The following DPP6 variants were observed in gnomAD, a reference collection of about 807,000 sequenced individuals.
DPP6 encodes A-type potassium channel modulatory protein DPP6.
A neutral mutation model predicts 122.6 loss-of-function variants in DPP6; 69 were observed. The observed-to-expected ratio is 0.56, with a 90% CI of 0.46 to 0.69. DPP6 has a LOEUF of 0.69. DPP6 is among the 30% of genes least tolerant of loss of function. The pLI, the probability that DPP6 is intolerant of heterozygous loss-of-function variation, is 0.00. For missense variants in DPP6, 928 were observed against 1,116.9 expected, an observed-to-expected ratio of 0.83 and a Z score of 2.41; for synonymous variants, 418 against 433.1, an observed-to-expected ratio of 0.97 and a Z score of 0.43.
intron 1 of DPP6, among the ~76,000 whole-genome samples, chr7:154,207,449 C>T (rs1339061973): frequency 6.6e-6 from 1 of 152,198 alleles, no homozygotes; most frequent in East Asian, 1.9e-4. Context: ...GCACCTAAAT[C>T]AGACCAGTCA....
intron 2 of DPP6, among the ~76,000 whole-genome samples, chr7:154,473,323 A>G (rs1822453767): frequency 6.6e-6 from 1 of 152,210 alleles, no homozygotes; most frequent in Non-Finnish European, 1.5e-5. Flanking sequence ...AAGCTCCTAG[A>G]GCGAAGAAAG....
Position 154,803,973 on chromosome 7 carries a change from G to T in DPP6, c.1499+18G>T. On this transcript the variant is annotated intron_variant, in intron 14 of 25. Coordinates refer to ENST00000377770, the MANE Select transcript of DPP6 (RefSeq NM_130797.4). ...AATAAGATGTGAGTGAGAACCAGGG[G>T]CCTGCCCCATCTTACTGGCCAATGG... is the stretch of plus-strand genomic sequence containing the variant. The T allele has an allele frequency of 6.2e-7, 1 of 1,611,568 alleles. No homozygotes were observed. The highest frequency in any genetic ancestry group is 8.5e-7 in the Non-Finnish European group (1 of 1,178,822).
intron 1 of DPP6, among the ~76,000 whole-genome samples, chr7:154,017,567 G>A (rs143777395): frequency 0.12 from 18,478 of 151,366 alleles, 1,217 homozygotes; most frequent in East Asian, 0.19. Context: ...GGGCATGGTG[G>A]TATGTGCCTG....
At position 154,600,326 on chromosome 7, in the gene DPP6, AC is replaced by A. The variant is rs1225496533; in HGVS notation, c.627+33412del. On this transcript the variant is annotated intron_variant, in intron 5 of 25. Coordinates refer to ENST00000377770, the MANE Select transcript of DPP6 (RefSeq NM_130797.4). Reference sequence around the variant, plus strand: ...GTATTTTTTGTAGACATGGGGTTTCACCATGTTGGCCAGGCTGGTCTCGAAC... The same window carrying A: ...GTATTTTTTGTAGACATGGGGTTTCACATGTTGGCCAGGCTGGTCTCGAAC... 9.3e-4 allele frequency among the ~76,000 whole-genome samples: 110 copies of A among 118,430 alleles called. 17 individuals are homozygous for A. Among genetic ancestry groups the A allele is most frequent in the African/African-American group, 2.7e-3 (100 of 37,174 alleles). The allele number at this position is 118,430 out of a possible 152,430, so 77.7% of individuals were successfully genotyped here. A position where few individuals can be genotyped will look rare whatever the true frequency, so the allele number is the denominator to read the frequency against.
intron 1 of DPP6, among the ~76,000 whole-genome samples, chr7:153,945,872 A>C (rs983711031): frequency 1.3e-5 from 2 of 152,136 alleles, no homozygotes; most frequent in African/African-American, 4.8e-5. Flanking sequence ...ATTTTCCCCA[A>C]ATCTTTGTTT....
At chr7:154,209,426 G>A (rs184629352) in intron 1 of DPP6, among the ~76,000 whole-genome samples, 2 of 151,996 alleles carry the variant, frequency 1.3e-5, no homozygotes, top group Admixed American at 6.6e-5. Context: ...TCACCTAAGG[G>A]TTTATAAAAT....
At chr7:154,141,339 A>G (rs71534104) in intron 1 of DPP6, among the ~76,000 whole-genome samples, 172 of 147,650 alleles carry the variant, frequency 1.2e-3, no homozygotes, top group African/African-American at 4.0e-3. Flanking sequence ...TCTTTTCCCC[A>G]CCCCTCCTCA....
intron 7 of DPP6, among the ~76,000 whole-genome samples, chr7:154,705,091 A>G (rs536691808): frequency 6.6e-6 from 1 of 152,370 alleles, no homozygotes; most frequent in African/African-American, 2.4e-5. Flanking sequence ...ATCATTATTC[A>G]GAAACCTGGT....
intron 1 of DPP6, among the ~76,000 whole-genome samples, chr7:153,988,416 CGTGTGTGTGCCT>C (rs1462341696): frequency 6.6e-6 from 1 of 151,958 alleles, no homozygotes; most frequent in African/African-American, 2.4e-5. Context: ...GGTGTGGTGA[CGTGTGTGTGCCT>C]GTGTGTGTGC....
intron 1 of DPP6, among the ~76,000 whole-genome samples, chr7:154,161,219 G>C (rs1193743110): frequency 6.6e-6 from 1 of 152,280 alleles, no homozygotes. Flanking sequence ...GATTGCTGCT[G>C]ATAAGAACAC....
chr7:154,046,223 A>G (rs1800011584), intron 1 of DPP6, among the ~76,000 whole-genome samples: 1 of 152,156 alleles, frequency 6.6e-6, no homozygotes, highest in Non-Finnish European at 1.5e-5. Context: ...TAATAGGGAC[A>G]TGTTTTTGTA....
At position 154,847,827 on chromosome 7, in the gene DPP6, G is replaced by A. The variant is rs180760831; in HGVS notation, c.1667-5953G>A. On this transcript the variant is annotated intron_variant, in intron 16 of 25. Transcript: ENST00000377770. ...GATAACTCCCTTTTCCCCACCTGCC[G>A]CCCCCTCACTTCAGCCTCTGGTAAC... 2.1e-4 allele frequency among the ~76,000 whole-genome samples: 32 copies of A among 152,036 alleles called. No individual in the cohort carries two copies. The East Asian group carries it at 4.1e-3, about 19-fold the overall frequency.
At chr7:154,608,320 C>CATATATATATAT (rs35662023) in intron 5 of DPP6, among the ~76,000 whole-genome samples, 1,892 of 89,838 alleles carry the variant, frequency 0.021, 109 homozygotes, top group Non-Finnish European at 0.03. Context: ...TAGGAGTGAT[C>CATATATATATAT]ATATATATAT....
chr7:154,443,493 TG>T lies in DPP6; in HGVS notation c.244-2719del, dbSNP rs11278562. On this transcript the variant is annotated intron_variant, in intron 1 of 25. Coordinates refer to ENST00000377770, the MANE Select transcript of DPP6 (RefSeq NM_130797.4). ...TAAACATGTGTTGGATGGATGGATG[TG>T]GATTGACAGATACATGGATGGATGG... Among the ~76,000 whole-genome samples the T allele has an allele frequency of 3.8e-3, 532 of 141,828 alleles. 23 individuals carry two copies. The highest frequency in any genetic ancestry group is 0.012 in the African/African-American group (434 of 37,222). The allele number at this position is 141,828 out of a possible 152,430, so 93.0% of individuals were successfully genotyped here.
At chr7:154,707,189 G>A (rs376192995) in intron 7 of DPP6, among the ~76,000 whole-genome samples, 20 of 152,302 alleles carry the variant, frequency 1.3e-4, no homozygotes, top group African/African-American at 4.8e-4. Flanking sequence ...GTAAGGATTG[G>A]ATAGGTTGAT....
At chr7:154,705,717 C>T (rs1317230086) in intron 7 of DPP6, among the ~76,000 whole-genome samples, 1 of 152,208 alleles carries the variant, frequency 6.6e-6, no homozygotes, top group Admixed American at 6.5e-5. Context: ...GAGAGATGGC[C>T]TCAAACTAGG....
chr7:154,495,460 G>T (rs1414289443), intron 3 of DPP6, among the ~76,000 whole-genome samples: 1 of 151,804 alleles, frequency 6.6e-6, no homozygotes, highest in Non-Finnish European at 1.5e-5. Context: ...AAGTGCAGTG[G>T]CTCACTGCAA....
chr7:154,232,737 A>T (rs1238721886), intron 1 of DPP6, among the ~76,000 whole-genome samples: 1 of 152,200 alleles, frequency 6.6e-6, no homozygotes, highest in Non-Finnish European at 1.5e-5. Context: ...CGGAGCTCAC[A>T]TCAGGGTATC....
the DPP6 span, among the ~76,000 whole-genome samples, chr7:153,802,050 G>A: frequency 2.6e-5 from 4 of 152,194 alleles, no homozygotes; most frequent in Non-Finnish European, 5.9e-5. Flanking sequence ...GAGATCAGAT[G>A]GTTATGTGGT....
Sources: allele counts gnomAD v4.1 joint callset (sites outside exome capture counted in the v4.1 genomes callset), GRCh38; gene constraint gnomAD v4.1.1; transcripts MANE v1.5; gene names NCBI Gene and HGNC (gene_info 2026-07-23, HGNC 2026-07-21).